VKORC1L1: variants seen among roughly 807,000 people sequenced by gnomAD.
The protein encoded by VKORC1L1 is vitamin K epoxide reductase complex subunit 1-like protein 1.
Under a neutral mutation model 18.9 loss-of-function variants are expected in VKORC1L1, and 2 were observed. The ratio of observed to expected loss-of-function variants is 0.11; its 90% CI spans 0.04 to 0.33. VKORC1L1 has a LOEUF of 0.33. VKORC1L1 is among the 10% of genes least tolerant of loss of function. The probability of loss-of-function intolerance (pLI) is 1.00; values close to 1 mark genes in which losing one functional copy is unlikely to be tolerated. For synonymous variants in VKORC1L1, 96 were observed against 100.0 expected (o/e 0.96, Z 0.24); for missense variants, 123 against 224.1 (o/e 0.55, Z 2.88).
intron 1 of VKORC1L1, among the ~76,000 whole-genome samples, chr7:65,938,886 A>G (rs1025015212): frequency 6.6e-5 from 10 of 152,132 alleles, no homozygotes; most frequent in African/African-American, 2.2e-4. Context: ...CCAGACTCCA[A>G]GCACTCCGGG....
chr7:65,926,258 C>T (rs564315300), intron 1 of VKORC1L1, among the ~76,000 whole-genome samples: 1 of 152,076 alleles, frequency 6.6e-6, no homozygotes, highest in South Asian at 2.1e-4. Context: ...TGGGTTCAGG[C>T]GATTCTCCTG....
At chr7:65,937,115 T>TTTG (rs140101281) in intron 1 of VKORC1L1, among the ~76,000 whole-genome samples, 3,830 of 152,062 alleles carry the variant, frequency 0.025, 86 homozygotes, top group East Asian at 0.086. Flanking sequence ...TGGGTTTTGT[T>TTTG]TTGTTGTTGT....
intron 1 of VKORC1L1, among the ~76,000 whole-genome samples, chr7:65,917,921 T>G (rs1448539173): frequency 1.3e-5 from 2 of 152,204 alleles, no homozygotes; most frequent in Non-Finnish European, 2.9e-5. Flanking sequence ...AGGGAACATT[T>G]GACAATGGTC....
intron 1 of VKORC1L1, among the ~76,000 whole-genome samples, chr7:65,893,734 G>A (rs1789145480): frequency 6.6e-6 from 1 of 152,156 alleles, no homozygotes; most frequent in Non-Finnish European, 1.5e-5. Context: ...GTTAACTAAA[G>A]CATTTTAGAG....
At chr7:65,867,824 C>G in the VKORC1L1 span, among the ~76,000 whole-genome samples, 1 of 152,068 alleles carries the variant, frequency 6.6e-6, no homozygotes, top group Non-Finnish European at 1.5e-5. Flanking sequence ...ACCATGGGAG[C>G]AATGTTAAAG....
chr7:65,895,433 T>C (rs373169796), intron 1 of VKORC1L1, among the ~76,000 whole-genome samples: 2 of 113,364 alleles, frequency 1.8e-5, no homozygotes, highest in African/African-American at 6.9e-5. Context: ...CTGGGCCATA[T>C]AGTGAAATGC....
intron 1 of VKORC1L1, among the ~76,000 whole-genome samples, chr7:65,876,336 C>G (rs1263922749): frequency 1.3e-5 from 2 of 151,836 alleles, no homozygotes; most frequent in African/African-American, 4.8e-5. Flanking sequence ...AACCCCGTCT[C>G]TACTAAAAAT....
At chr7:65,942,699 T>C (rs968848573) in intron 1 of VKORC1L1, among the ~76,000 whole-genome samples, 1 of 151,918 alleles carries the variant, frequency 6.6e-6, no homozygotes. Flanking sequence ...ATAATTTTTG[T>C]ATTTTTAGTA....
chr7:65,883,333 T>G (rs1788959595), intron 1 of VKORC1L1, among the ~76,000 whole-genome samples: 1 of 151,852 alleles, frequency 6.6e-6, no homozygotes, highest in South Asian at 2.1e-4. Context: ...ATATTTTTAG[T>G]AGAGACGGGG....
chr7:65,922,191 T>TC (rs1789687420), intron 1 of VKORC1L1, among the ~76,000 whole-genome samples: 1 of 151,832 alleles, frequency 6.6e-6, no homozygotes, highest in Non-Finnish European at 1.5e-5. Context: ...TTTGACATAG[T>TC]ATTCATTTAG....
intron 2 of VKORC1L1, among the ~76,000 whole-genome samples, chr7:65,950,383 G>A (rs531054825): frequency 6.6e-6 from 1 of 151,970 alleles, no homozygotes. Flanking sequence ...TGTAGATCTT[G>A]TTGCATACCA....
chr7:65,882,000 A>G (rs1788936089), intron 1 of VKORC1L1, among the ~76,000 whole-genome samples: 1 of 151,996 alleles, frequency 6.6e-6, no homozygotes, highest in Non-Finnish European at 1.5e-5. Context: ...GAATCACTTG[A>G]ACCTGGGAGG....
chr7:65,887,792 A>G (rs1175125139), intron 1 of VKORC1L1, among the ~76,000 whole-genome samples: 2 of 152,212 alleles, frequency 1.3e-5, no homozygotes, highest in East Asian at 3.8e-4. Context: ...TTTATGAAAC[A>G]TAGCCTTTTT....
chr7:65,940,370 A>G (rs1487146721), intron 1 of VKORC1L1, among the ~76,000 whole-genome samples: 1 of 152,224 alleles, frequency 6.6e-6, no homozygotes, highest in African/African-American at 2.4e-5. Flanking sequence ...ATCAATTATG[A>G]TAGCAGAAGA....
At chr7:65,877,622 A>G (rs1214774571) in intron 1 of VKORC1L1, among the ~76,000 whole-genome samples, 4 of 152,186 alleles carry the variant, frequency 2.6e-5, no homozygotes, top group Admixed American at 1.3e-4. Context: ...TGCTGAGATT[A>G]TAGGCATCAG....
At position 65,954,945 on chromosome 7, in the gene VKORC1L1, TGG is replaced by T. The variant is rs1474554322; in HGVS notation, c.*646_*647del. The stretch of plus-strand genomic sequence containing the variant: ...ATCTTGTGAAAAGTACTGGCAGCCG[TGG>T]TTGCAGCAAATAATAGGGCAAAAAA... On this transcript the variant is annotated 3_prime_UTR_variant, in exon 3 of 3. Transcript: ENST00000360768. The T allele has an allele frequency of 6.6e-6, 1 of 152,194 alleles. No homozygotes were observed. The highest frequency in any genetic ancestry group is 1.5e-5 in the Non-Finnish European group (1 of 68,106). The allele number at this position is 152,194 out of a possible 1,614,324, so 9.4% of individuals were successfully genotyped here.
intron 2 of VKORC1L1, among the ~76,000 whole-genome samples, chr7:65,949,386 G>A (rs1204424644): frequency 1.3e-5 from 2 of 152,072 alleles, no homozygotes; most frequent in East Asian, 1.9e-4. Context: ...GGCTGAGGCT[G>A]GAGAGTCACT....
intron 1 of VKORC1L1, among the ~76,000 whole-genome samples, chr7:65,935,792 G>C (rs1249992979): frequency 6.6e-6 from 1 of 152,100 alleles, no homozygotes; most frequent in African/African-American, 2.4e-5. Flanking sequence ...CTGAGTTTTT[G>C]AATCTATAAA....
intron 1 of VKORC1L1, among the ~76,000 whole-genome samples, chr7:65,889,374 A>G (rs1789072131): frequency 6.6e-6 from 1 of 152,174 alleles, no homozygotes; most frequent in Non-Finnish European, 1.5e-5. Flanking sequence ...TTCCTCCAAA[A>G]ATGCTGTTGG....
Sources: allele counts gnomAD v4.1 joint callset (sites outside exome capture counted in the v4.1 genomes callset), GRCh38; gene constraint gnomAD v4.1.1; transcripts MANE v1.5; gene names NCBI Gene and HGNC (gene_info 2026-07-23, HGNC 2026-07-21).